The following RBFOX1 variants were observed in gnomAD, a reference collection of about 807,000 sequenced individuals.
RBFOX1 encodes the protein RNA binding protein fox-1 homolog 1.
In RBFOX1, 8 loss-of-function variants were observed where a neutral mutation model predicts 57.7. The ratio of observed to expected loss-of-function variants is 0.14; its 90% CI spans 0.08 to 0.25. The LOEUF (loss-of-function observed/expected upper bound fraction) is 0.25. Among genes scored for constraint, RBFOX1 ranks in the 10% least tolerant of loss-of-function variants. The pLI is 1.00. For missense variants in RBFOX1, 611 were observed against 548.5 expected (o/e 1.11, Z -1.14); for synonymous variants, 326 against 222.4 (o/e 1.47, Z -4.15).
chr16:6,916,561 A>C (rs974314809), intron 3 of RBFOX1, among the ~76,000 whole-genome samples: 1 of 151,316 alleles, frequency 6.6e-6, no homozygotes, highest in Non-Finnish European at 1.5e-5. Context: ...AGTTTAAGAA[A>C]TCCCATAAAT....
chr16:7,485,377 G>A (rs12929155), intron 4 of RBFOX1, among the ~76,000 whole-genome samples: 54,588 of 152,200 alleles, frequency 0.36, 12,061 homozygotes, highest in Non-Finnish European at 0.5. Flanking sequence ...ATCCTCTGCA[G>A]TTTACCTTGT....
At chr16:5,861,694 T>G (rs2057219946) in intron 3 of RBFOX1, among the ~76,000 whole-genome samples, 1 of 152,190 alleles carries the variant, frequency 6.6e-6, no homozygotes, top group Non-Finnish European at 1.5e-5. Flanking sequence ...TTGGACATCT[T>G]TCATACACAG....
intron 4 of RBFOX1, among the ~76,000 whole-genome samples, chr16:7,056,689 A>G (rs1477456107): frequency 2.0e-5 from 3 of 152,182 alleles, no homozygotes; most frequent in African/African-American, 4.8e-5. Flanking sequence ...GAGCACTCAT[A>G]AAATATTTGA....
At chr16:6,917,166 C>T (rs1293004892) in intron 3 of RBFOX1, among the ~76,000 whole-genome samples, 7 of 152,026 alleles carry the variant, frequency 4.6e-5, no homozygotes, top group African/African-American at 1.7e-4. Context: ...ATGATTTTGT[C>T]CACAGAGCAG....
intron 2 of RBFOX1, among the ~76,000 whole-genome samples, chr16:6,358,522 C>G (rs576755273): frequency 6.6e-6 from 1 of 152,236 alleles, no homozygotes; most frequent in African/African-American, 2.4e-5. Context: ...GCTGAAGAGT[C>G]TCATTTTTTC....
At chr16:7,611,654 A>G (rs1320584109) in intron 10 of RBFOX1, among the ~76,000 whole-genome samples, 3 of 152,020 alleles carry the variant, frequency 2.0e-5, no homozygotes, top group African/African-American at 7.2e-5. Context: ...TTTATTGCAA[A>G]CTTGGGTGGG....
At chr16:5,441,914 G>A (rs1420075772) in intron 1 of RBFOX1, among the ~76,000 whole-genome samples, 1 of 152,116 alleles carries the variant, frequency 6.6e-6, no homozygotes, top group Admixed American at 6.5e-5. Context: ...TCTCTCCCAC[G>A]ACACATGGGG....
chr16:7,685,315 TGA>T (rs1267065845), intron 14 of RBFOX1, among the ~76,000 whole-genome samples: 3 of 152,174 alleles, frequency 2.0e-5, no homozygotes, highest in Admixed American at 6.6e-5. Flanking sequence ...CCTTCTTCAA[TGA>T]GAGAGTAAGA....
chr16:7,409,450 A>G (rs1472411228), intron 4 of RBFOX1, among the ~76,000 whole-genome samples: 1 of 152,206 alleles, frequency 6.6e-6, no homozygotes, highest in Non-Finnish European at 1.5e-5. Flanking sequence ...CCCCGTCCCC[A>G]TTGTCACAGA....
intron 4 of RBFOX1, among the ~76,000 whole-genome samples, chr16:7,186,568 A>G (rs1439684752): frequency 2.5e-5 from 3 of 118,354 alleles, no homozygotes; most frequent in Non-Finnish European, 5.2e-5. Context: ...GCTTAAACAT[A>G]TTTATATAAA....
intron 3 of RBFOX1, chr16:5,610,186 C>G (rs1596444450): frequency 1.3e-5 from 2 of 152,132 alleles, no homozygotes; most frequent in Admixed American, 6.5e-5. Context: ...TGTCCCATTA[C>G]CAGTGTTTTG....
intron 1 of RBFOX1, among the ~76,000 whole-genome samples, chr16:5,405,909 G>T (rs905154235): frequency 5.3e-5 from 8 of 152,148 alleles, no homozygotes; most frequent in African/African-American, 1.9e-4. Flanking sequence ...CACAGGCTGA[G>T]GACAGGAGTC....
intron 3 of RBFOX1, among the ~76,000 whole-genome samples, chr16:5,850,868 G>A (rs1013324194): frequency 6.6e-5 from 10 of 152,224 alleles, no homozygotes; most frequent in Non-Finnish European, 8.8e-5. Flanking sequence ...GCAGCTCAGC[G>A]TGGGAGAAGT....
At chr16:5,248,369 A>G (rs1212245625) in intron 1 of RBFOX1, among the ~76,000 whole-genome samples, 1 of 152,210 alleles carries the variant, frequency 6.6e-6, no homozygotes, top group Non-Finnish European at 1.5e-5. Context: ...CTTGCAGGCA[A>G]CTGCACTGAG....
intron 4 of RBFOX1, among the ~76,000 whole-genome samples, chr16:7,508,241 G>C (rs528417824): frequency 1.3e-5 from 2 of 152,106 alleles, no homozygotes; most frequent in African/African-American, 4.8e-5. Flanking sequence ...GCCTTCCTAA[G>C]TGCTGGGATT....
At chr16:5,983,873 C>T (rs1006094579) in intron 4 of RBFOX1, among the ~76,000 whole-genome samples, 10 of 141,056 alleles carry the variant, frequency 7.1e-5, no homozygotes, top group Non-Finnish European at 1.6e-5. Context: ...TTTCCTCCTC[C>T]TCCTCCTTCC....
At chr16:5,473,829 T>C (rs2069224540) in intron 2 of RBFOX1, among the ~76,000 whole-genome samples, 1 of 143,200 alleles carries the variant, frequency 7.0e-6, no homozygotes, top group Admixed American at 7.3e-5. Flanking sequence ...AGGATAGATG[T>C]AAGGGTGGGT....
intron 4 of RBFOX1, among the ~76,000 whole-genome samples, chr16:7,362,656 G>GT: frequency 6.6e-6 from 1 of 150,564 alleles, no homozygotes; most frequent in Middle Eastern, 3.4e-3. Context: ...GTATGTGTAT[G>GT]TTTTTTATGT....
Position 5,753,174 on chromosome 16 carries a change from G to A in RBFOX1, c.319-114129G>A, listed in dbSNP as rs184698047. ...AACCTTGTCTTAAAAAAAAAAAAGTGAAAATGCTTGTGTGTGTATGAGTGG... is the reference window on the plus strand; with the variant it reads ...AACCTTGTCTTAAAAAAAAAAAAGTAAAAATGCTTGTGTGTGTATGAGTGG... On this transcript the variant is annotated intron_variant, in intron 3 of 19. Coordinates refer to the RBFOX1 transcript ENST00000641259. 3.1e-3 allele frequency among the ~76,000 whole-genome samples: 470 copies of A among 151,864 alleles called. 3 individuals carry two copies. The highest frequency in any genetic ancestry group is 7.3e-3 in the South Asian group (35 of 4,794).
Sources: allele counts gnomAD v4.1 joint callset (sites outside exome capture counted in the v4.1 genomes callset), GRCh38; gene constraint gnomAD v4.1.1; transcripts MANE v1.5; gene names NCBI Gene and HGNC (gene_info 2026-07-23, HGNC 2026-07-21).